Variants in CDK8 observed in about 807,000 individuals in gnomAD.
CDK8 encodes the protein cyclin-dependent kinase 8.
A neutral mutation model predicts 71.5 loss-of-function variants in CDK8; 29 were observed. That is an observed-to-expected ratio of 0.41 (90% CI 0.30 to 0.55). The LOEUF is 0.55. CDK8 is among the 20% of genes least tolerant of loss of function. CDK8 has a pLI of 0.37. For missense variants in CDK8, 288 were observed against 572.6 expected, an observed-to-expected ratio of 0.50 and a Z score of 5.07; for synonymous variants, 161 against 192.1, an observed-to-expected ratio of 0.84 and a Z score of 1.34.
intron 3 of CDK8, among the ~76,000 whole-genome samples, chr13:26,349,784 TA>T (rs1873610850): frequency 1.5e-5 from 2 of 136,002 alleles, no homozygotes; most frequent in South Asian, 2.1e-4. Context: ...AAACTGTTAT[TA>T]ATTATTAACT....
At chr13:26,312,052 GTGGGGACT>G (rs1434014229) in intron 1 of CDK8, among the ~76,000 whole-genome samples, 1 of 152,202 alleles carries the variant, frequency 6.6e-6, no homozygotes, top group Non-Finnish European at 1.5e-5. Flanking sequence ...CCTGGGTCGA[GTGGGGACT>G]TGGAGAACTT....
chr13:26,315,234 T>C (rs893483833), intron 1 of CDK8, among the ~76,000 whole-genome samples: 7 of 152,224 alleles, frequency 4.6e-5, no homozygotes, highest in African/African-American at 1.7e-4. Flanking sequence ...TATATAAAGA[T>C]CATAGATATG....
At chr13:26,274,470 T>C (rs8002095) in intron 1 of CDK8, among the ~76,000 whole-genome samples, 25,511 of 151,302 alleles carry the variant, frequency 0.17, 3,820 homozygotes, top group African/African-American at 0.41. Context: ...CTTGCTCTGT[T>C]GCCCAGGCTG....
intron 1 of CDK8, among the ~76,000 whole-genome samples, chr13:26,294,224 T>C (rs1873437370): frequency 6.6e-6 from 1 of 152,050 alleles, no homozygotes; most frequent in African/African-American, 2.4e-5. Flanking sequence ...CTCAGACTCC[T>C]GCGCTCAAGC....
At chr13:26,297,328 G>GTAAC (rs58791514) in intron 1 of CDK8, among the ~76,000 whole-genome samples, 125,828 of 151,672 alleles carry the variant, frequency 0.83, 53,860 homozygotes, top group East Asian at 1. Context: ...AACTAAAAAG[G>GTAAC]TAACCTTAAT....
At chr13:26,284,360 TA>T (rs1237174546) in intron 1 of CDK8, among the ~76,000 whole-genome samples, 11 of 152,172 alleles carry the variant, frequency 7.2e-5, no homozygotes, top group Non-Finnish European at 1.3e-4. Context: ...AAAAGCTGTT[TA>T]TTTGAAAAGA....
chr13:26,254,622 C>G lies in CDK8; in HGVS notation c.-20C>G. On this transcript the variant is annotated 5_prime_UTR_variant, in exon 1 of 13. Coordinates refer to ENST00000381527, the MANE Select transcript of CDK8 (RefSeq NM_001260.3). This position sits in a 1 kb window ranked among gnomAD's most constrained non-coding sequence, Gnocchi z 6.7. The stretch of plus-strand genomic sequence containing the variant: ...CCCCCGGCCCCCCGACCCAGCTCTC[C>G]GGCCTCAGAGGCTGTGACAATGGAC... 2 of 1,580,676 alleles carry G rather than the reference C, an allele frequency of 1.3e-6. No homozygotes were observed. Among genetic ancestry groups the G allele is most frequent in the East Asian group, 4.6e-5 (2 of 43,588 alleles).
chr13:26,317,521 A>G (rs1224931388), intron 1 of CDK8, among the ~76,000 whole-genome samples: 4 of 152,224 alleles, frequency 2.6e-5, no homozygotes, highest in Non-Finnish European at 4.4e-5. Flanking sequence ...GACATTTTCC[A>G]GGATAGGCAA....
At chr13:26,399,829 A>C (rs533275312) in intron 9 of CDK8, among the ~76,000 whole-genome samples, 246 of 152,362 alleles carry the variant, frequency 1.6e-3, no homozygotes, top group African/African-American at 5.7e-3. Context: ...ATAAATGTTG[A>C]GTCAGGATTT....
intron 4 of CDK8, among the ~76,000 whole-genome samples, chr13:26,377,370 C>CTGTT (rs1359772483): frequency 6.6e-6 from 1 of 152,206 alleles, no homozygotes; most frequent in African/African-American, 2.4e-5. Context: ...AGGGCAGGAA[C>CTGTT]TGTTTGTTTG....
In CDK8 at chr13:26,400,525, T is replaced by C. The variant is rs752935647; in HGVS notation, c.1006T>C (p.Leu336=). 2 of 1,611,622 alleles carry C rather than the reference T, an allele frequency of 1.2e-6. No homozygotes were observed. Residue 336 remains leucine, a synonymous_variant, in exon 10 of 13, where the codon TTA becomes CTA. Transcript: ENST00000381527. The part of the protein sequence containing the change: ...SEQAMQDPYF[L]EDPLPTSDVF... ...ACAGGCTATGCAGGACCCCTATTTC[T>C]TAGAAGACCCACTTCCTACATCAGA...
intron 2 of CDK8, among the ~76,000 whole-genome samples, chr13:26,346,260 A>T (rs554904065): frequency 1.3e-5 from 2 of 152,342 alleles, no homozygotes; most frequent in African/African-American, 4.8e-5. Context: ...TCACATGCCT[A>T]GTACCATACT....
chr13:26,385,455 CT>C (rs1875429714), intron 6 of CDK8, 113 bp downstream of exon 6: 16 of 880,522 alleles, frequency 1.8e-5, no homozygotes, highest in Middle Eastern at 3.6e-4. Flanking sequence ...TAAGAGCAGA[CT>C]GAGTGTGATG....
chr13:26,340,102 T>C (rs1158787345), intron 2 of CDK8, among the ~76,000 whole-genome samples: 1 of 152,176 alleles, frequency 6.6e-6, no homozygotes, highest in Non-Finnish European at 1.5e-5. Flanking sequence ...CTAAGAATTC[T>C]TTTCATAAAT....
chr13:26,272,758 A>G (rs1566466233), intron 1 of CDK8, among the ~76,000 whole-genome samples: 1 of 152,216 alleles, frequency 6.6e-6, no homozygotes, highest in African/African-American at 2.4e-5. Flanking sequence ...CAGCATCACC[A>G]CAAACGTGCC....
intron 4 of CDK8, among the ~76,000 whole-genome samples, chr13:26,355,667 C>G (rs1398896818): frequency 6.6e-6 from 1 of 151,992 alleles, no homozygotes; most frequent in African/African-American, 2.4e-5. Flanking sequence ...TAAGACAAAT[C>G]CTTTGGCATT....
At chr13:26,351,773 T>C (rs1337121022) in intron 3 of CDK8, among the ~76,000 whole-genome samples, 1 of 152,198 alleles carries the variant, frequency 6.6e-6, no homozygotes, top group East Asian at 1.9e-4. Context: ...TAATTTAGCC[T>C]ACTAAAACCC....
chr13:26,310,621 A>C, intron 1 of CDK8, among the ~76,000 whole-genome samples: 1 of 152,170 alleles, frequency 6.6e-6, no homozygotes. Context: ...CTGATATGAC[A>C]GGAGGCAGAG....
chr13:26,310,861 C>T (rs1006457530), intron 1 of CDK8, among the ~76,000 whole-genome samples: 10 of 152,142 alleles, frequency 6.6e-5, no homozygotes, highest in African/African-American at 1.9e-4. Flanking sequence ...TTGTTCAAAT[C>T]TCTCCATTGG....
Sources: gnomAD v4.1 joint callset for allele counts (sites outside exome capture counted in the v4.1 genomes callset) on GRCh38, gnomAD v4.1.1 for gene constraint, Gnocchi (gnomAD v3.1) non-coding constraint, MANE v1.5 for transcripts, NCBI Gene and HGNC (gene_info 2026-07-23, HGNC 2026-07-21) for gene names.